Variants in ROBO1 observed in about 807,000 individuals in gnomAD.
ROBO1 encodes roundabout guidance receptor 1.
ROBO1 carries 149 observed loss-of-function variants against 195.9 expected under a neutral mutation model. The observed-to-expected ratio is 0.76, with a 90% CI of 0.67 to 0.87. The LOEUF (loss-of-function observed/expected upper bound fraction) is 0.87. Ranked by LOEUF, ROBO1 falls within the 40% of genes least tolerant of loss-of-function variation. ROBO1 has a pLI of 0.00. For synonymous variants in ROBO1, 816 were observed against 733.2 expected (o/e 1.11, Z -1.82); for missense variants, 1,933 against 2,068.3 (o/e 0.93, Z 1.27).
intron 3 of ROBO1, among the ~76,000 whole-genome samples, chr3:78,990,534 T>G (rs1280978416): frequency 6.6e-6 from 1 of 152,162 alleles, no homozygotes; most frequent in East Asian, 1.9e-4. Context: ...AATATATACT[T>G]ATTGAATGGT....
chr3:79,658,653 C>T (rs949287254), intron 1 of ROBO1, among the ~76,000 whole-genome samples: 4 of 151,926 alleles, frequency 2.6e-5, no homozygotes, highest in African/African-American at 9.7e-5. Context: ...TATTTCAATA[C>T]AAGCATACAA....
intron 2 of ROBO1, among the ~76,000 whole-genome samples, chr3:79,567,682 T>C (rs1235930166): frequency 6.6e-6 from 1 of 152,132 alleles, no homozygotes; most frequent in Non-Finnish European, 1.5e-5. Flanking sequence ...GATATTCCCT[T>C]TAAATATGAG....
At chr3:79,388,280 C>T (rs956561119) in intron 2 of ROBO1, among the ~76,000 whole-genome samples, 69 of 151,826 alleles carry the variant, frequency 4.5e-4, no homozygotes, top group Non-Finnish European at 1.6e-4. Context: ...ATGCAACTAC[C>T]CAAATAGAAA....
At chr3:79,721,100 G>C (rs1401116587) in intron 1 of ROBO1, among the ~76,000 whole-genome samples, 1 of 152,138 alleles carries the variant, frequency 6.6e-6, no homozygotes, top group Non-Finnish European at 1.5e-5. Flanking sequence ...CCAAGGAGTT[G>C]CTAAATTTAA....
intron 10 of ROBO1, among the ~76,000 whole-genome samples, chr3:78,680,926 A>G (rs897006234): frequency 6.6e-6 from 1 of 150,608 alleles, no homozygotes; most frequent in Admixed American, 6.6e-5. Flanking sequence ...AAGACTTGGA[A>G]CCAACCCAAA....
At chr3:79,596,515 G>C (rs1251277637) in intron 1 of ROBO1, among the ~76,000 whole-genome samples, 2 of 151,914 alleles carry the variant, frequency 1.3e-5, no homozygotes, top group African/African-American at 4.8e-5. Context: ...AGGCTTTTGT[G>C]TAAAGGTAAA....
chr3:79,382,217 A>C (rs17016904), intron 2 of ROBO1, among the ~76,000 whole-genome samples: 5,233 of 152,248 alleles, frequency 0.034, 203 homozygotes, highest in African/African-American at 0.098. Context: ...AATGAATTAA[A>C]ACTCTCAAAA....
intron 4 of ROBO1, among the ~76,000 whole-genome samples, chr3:78,857,277 G>T (rs1559930615): frequency 6.6e-6 from 1 of 152,116 alleles, no homozygotes; most frequent in Non-Finnish European, 1.5e-5. Context: ...TTATCTATTA[G>T]ACATGGGTAC....
At chr3:78,725,806 T>C (rs1053009738) in intron 5 of ROBO1, among the ~76,000 whole-genome samples, 1 of 152,100 alleles carries the variant, frequency 6.6e-6, no homozygotes, top group South Asian at 2.1e-4. Flanking sequence ...TATCCGAGAG[T>C]ACACAGCTTA....
chr3:79,236,935 C>G (rs1207228927), intron 2 of ROBO1, among the ~76,000 whole-genome samples: 1 of 152,112 alleles, frequency 6.6e-6, no homozygotes, highest in Non-Finnish European at 1.5e-5. Flanking sequence ...TACTGGAAGA[C>G]TTGACCTTGA....
intron 2 of ROBO1, among the ~76,000 whole-genome samples, chr3:79,282,623 T>G (rs918643782): frequency 6.6e-6 from 1 of 152,230 alleles, no homozygotes; most frequent in Non-Finnish European, 1.5e-5. Context: ...GATTTTTGGC[T>G]TGGAGAATTA....
chr3:78,651,910 C>T lies in ROBO1; in HGVS notation c.2634G>A (p.Val878=). 6 of 1,612,598 alleles carry T rather than the reference C, an allele frequency of 3.7e-6. No homozygotes were observed. The highest frequency in any genetic ancestry group is 5.1e-6 in the Non-Finnish European group (6 of 1,179,278). The change falls in exon 19 of 31, where the codon GTG becomes GTA. Residue 878 remains valine, a synonymous_variant. Coordinates refer to ENST00000464233, the MANE Select transcript of ROBO1 (RefSeq NM_002941.4). The stretch of plus-strand genomic sequence containing the variant: ...CGAGGCTGACTTGGTCCTCAGGTGA[C>T]ACAGGGTTTCCATGGGCATCTGAAA... ...FIQLDAHGNP[V]SPEDQVSLAQ...
chr3:79,629,313 T>G (rs776293034), intron 1 of ROBO1, among the ~76,000 whole-genome samples: 1 of 152,016 alleles, frequency 6.6e-6, no homozygotes, highest in African/African-American at 2.4e-5. Context: ...TCTCAGAACA[T>G]AGAATAATAA....
At chr3:79,160,014 A>T (rs2080927764) in intron 2 of ROBO1, among the ~76,000 whole-genome samples, 1 of 152,076 alleles carries the variant, frequency 6.6e-6, no homozygotes, top group Admixed American at 6.6e-5. Context: ...ACAGATAGAA[A>T]GATAGAGATG....
At chr3:79,147,220 C>A (rs7638301) in intron 2 of ROBO1, among the ~76,000 whole-genome samples, 1 of 151,740 alleles carries the variant, frequency 6.6e-6, no homozygotes, top group Non-Finnish European at 1.5e-5. Context: ...TGGTTTAAAG[C>A]CTGATTTTAC....
chr3:78,826,687 G>A (rs919071957), intron 4 of ROBO1, among the ~76,000 whole-genome samples: 2 of 152,138 alleles, frequency 1.3e-5, no homozygotes, highest in African/African-American at 4.8e-5. Flanking sequence ...GAAAGTAAAG[G>A]GATAGATATG....
In ROBO1 at chr3:78,704,112, T is replaced by C. The variant is rs76709490; in HGVS notation, c.1045+10285A>G. On this transcript the variant is annotated intron_variant, in intron 8 of 30. Transcript: ENST00000464233. The stretch of plus-strand genomic sequence containing the variant: ...GATTATACTAAACCTAAGCTGACTC[T>C]GCAAAAAGGTCCCTTGACACTATTA... Among the ~76,000 whole-genome samples, 290 of 152,248 alleles carry C rather than the reference T, an allele frequency of 1.9e-3. 11 individuals are homozygous for C. In the East Asian group the frequency reaches 0.052, roughly 28 times the overall value.
rs780597106 is a variant in ROBO1, at chr3:78,884,648, AAAGGAAGGAAGGAAGGAAGG to A, written c.499+53933_499+53952del. The stretch of plus-strand genomic sequence containing the variant: ...GAGAAAGAAAGAGAAAGAAAGAAAG[AAAGGAAGGAAGGAAGGAAGG>A]AAGGAAGGAAGGAAGGAAGGAAGGA... On this transcript the variant is annotated intron_variant, in intron 4 of 30. Transcript: ENST00000464233. Among the ~76,000 whole-genome samples, 781 of 107,502 alleles carry A rather than the reference AAAGGAAGGAAGGAAGGAAGG, an allele frequency of 7.3e-3. 12 individuals are homozygous for A. Among genetic ancestry groups the A allele is most frequent in the African/African-American group, 0.021 (575 of 26,920 alleles). The allele number at this position is 107,502 out of a possible 152,430, so 70.5% of individuals were successfully genotyped here. A position where few individuals can be genotyped will look rare whatever the true frequency, so the allele number is the denominator to read the frequency against.
intron 1 of ROBO1, among the ~76,000 whole-genome samples, chr3:79,749,640 C>A (rs116093740): frequency 2.1e-4 from 32 of 152,306 alleles, no homozygotes; most frequent in Non-Finnish European, 4.3e-4. Flanking sequence ...GCAACTCCAG[C>A]CATGGCTGAA....
Sources: gnomAD v4.1 joint callset for allele counts (sites outside exome capture counted in the v4.1 genomes callset) on GRCh38, gnomAD v4.1.1 for gene constraint, MANE v1.5 for transcripts, NCBI Gene and HGNC (gene_info 2026-07-23, HGNC 2026-07-21) for gene names.